PLEKHA8: variants seen among roughly 807,000 people sequenced by gnomAD.
PLEKHA8 encodes pleckstrin homology domain-containing family A member 8.
Under a neutral mutation model 68.2 loss-of-function variants are expected in PLEKHA8, and 36 were observed. That is an observed-to-expected ratio of 0.53 (90% CI 0.40 to 0.70). PLEKHA8 has a LOEUF of 0.70. Among genes scored for constraint, PLEKHA8 ranks in the 30% least tolerant of loss-of-function variants. The pLI, the probability that PLEKHA8 is intolerant of heterozygous loss-of-function variation, is 0.00. For missense variants in PLEKHA8, 505 were observed against 615.4 expected, an observed-to-expected ratio of 0.82 and a Z score of 1.90; for synonymous variants, 211 against 216.1, an observed-to-expected ratio of 0.98 and a Z score of 0.20.
chr7:30,115,988 G>GCACA (rs1796504955), intron 13 of PLEKHA8: 1 of 130,936 alleles, frequency 7.6e-6, no homozygotes, highest in African/African-American at 2.8e-5. Flanking sequence ...ATGCATGTAT[G>GCACA]CATACGCATA....
At chr7:30,067,699 T>C (rs555258399) in intron 12 of PLEKHA8, among the ~76,000 whole-genome samples, 3 of 152,364 alleles carry the variant, frequency 2.0e-5, no homozygotes, top group African/African-American at 7.2e-5. Context: ...AGCATTGGAC[T>C]ACATGTTTTA....
At chr7:30,118,005 T>C in intron 13 of PLEKHA8, 1 of 1,530,522 alleles carries the variant, frequency 6.5e-7, no homozygotes, top group Non-Finnish European at 8.7e-7. Context: ...CCAGGAGGGC[T>C]GTCACTCAGA....
chr7:30,034,488 A>G (rs1790910684), intron 1 of PLEKHA8, among the ~76,000 whole-genome samples: 1 of 152,218 alleles, frequency 6.6e-6, no homozygotes. Context: ...CTTATGAATA[A>G]CTTTAACAAT....
At chr7:30,114,698 G>A (rs982287063) in intron 13 of PLEKHA8, among the ~76,000 whole-genome samples, 1 of 152,122 alleles carries the variant, frequency 6.6e-6, no homozygotes, top group Non-Finnish European at 1.5e-5. Flanking sequence ...TATCTTTAAA[G>A]AAGGCTGTTT....
In PLEKHA8 at chr7:30,115,791, CACAT is replaced by C. The variant is rs571510026; in HGVS notation, c.1363-13470_1363-13467del. 1.0e-4 allele frequency: 15 copies of C among 145,628 alleles called. 3 individuals are homozygous for C. The highest frequency in any genetic ancestry group is 3.5e-3 in the Middle Eastern group (1 of 286). The allele number at this position is 145,628 out of a possible 1,614,324, so 9.0% of individuals were successfully genotyped here. A position where few individuals can be genotyped will look rare whatever the true frequency, so the allele number is the denominator to read the frequency against. Reference sequence around the variant, plus strand: ...ACACGTATGCATGCATACATACGTGCACATACATGTATACACGCATGCATGTATA... The same window carrying C: ...ACACGTATGCATGCATACATACGTGCACATGTATACACGCATGCATGTATA... On this transcript the variant is annotated intron_variant, in intron 13 of 13. Coordinates refer to the PLEKHA8 transcript ENST00000396257.
intron 12 of PLEKHA8, among the ~76,000 whole-genome samples, chr7:30,068,638 T>C (rs997005413): frequency 6.6e-6 from 1 of 152,208 alleles, no homozygotes; most frequent in Admixed American, 6.5e-5. Flanking sequence ...AAATGTCTAA[T>C]CTTTTTCAGT....
chr7:30,082,212 T>G lies in PLEKHA8; in HGVS notation c.*3425T>G. The G allele has an allele frequency of 2.0e-6, 2 of 985,422 alleles. No homozygotes were observed. The highest frequency in any genetic ancestry group is 4.7e-5 in the South Asian group (1 of 21,282). The allele number at this position is 985,422 out of a possible 1,614,324, so 61.0% of individuals were successfully genotyped here. On this transcript the variant is annotated 3_prime_UTR_variant, in exon 14 of 14. Coordinates refer to ENST00000449726, the MANE Select transcript of PLEKHA8 (RefSeq NM_001197026.2). ...TCTGATTATTAAACTTCCCCCAATG[T>G]CATATTCCATGATGAGGGATTTCTG...
At chr7:30,048,690 T>C (rs1458414904) in intron 4 of PLEKHA8, among the ~76,000 whole-genome samples, 1 of 152,230 alleles carries the variant, frequency 6.6e-6, no homozygotes, top group Non-Finnish European at 1.5e-5. Context: ...AAGATTTTCA[T>C]TTATTAGGTA....
At chr7:30,107,218 G>C (rs1221367568) in intron 13 of PLEKHA8, among the ~76,000 whole-genome samples, 2 of 151,752 alleles carry the variant, frequency 1.3e-5, no homozygotes, top group Non-Finnish European at 1.5e-5. Flanking sequence ...TTACAATTTT[G>C]TTATAAAATA....
rs1317429104 is a variant in PLEKHA8, at chr7:30,117,808, T to TA, written c.1363-11451dup. On this transcript the variant is annotated intron_variant, in intron 13 of 13. Coordinates refer to the PLEKHA8 transcript ENST00000396257. ...AGTTTCAAAAGTTTAGTGTGCACAC[T>TA]AAAAAAATGAAGGCACAAAGCTTAT... 2.0e-5 allele frequency among the ~76,000 whole-genome samples: 3 copies of TA among 152,116 alleles called. No homozygotes were observed. The East Asian group carries it at 5.8e-4, about 29-fold the overall frequency.
chr7:30,112,406 C>T lies in PLEKHA8; in HGVS notation c.1363-16860C>T, dbSNP rs1796302803. Among the ~76,000 whole-genome samples, 3 of 151,098 alleles carry T rather than the reference C, an allele frequency of 2.0e-5. No individual in the cohort carries two copies. The South Asian group carries it at 6.2e-4, about 31-fold the overall frequency. On this transcript the variant is annotated intron_variant, in intron 13 of 13. Transcript: ENST00000396257. ...TTAAAAAAAAAAAACCTTAAAAATA[C>T]TTCTAAATGATTCACATGTCAAAAA... is the stretch of plus-strand genomic sequence containing the variant.
At chr7:30,055,535 A>G (rs1792777262) in intron 9 of PLEKHA8, among the ~76,000 whole-genome samples, 193 bp downstream of exon 9, 1 of 152,250 alleles carries the variant, frequency 6.6e-6, no homozygotes, top group African/African-American at 2.4e-5. Flanking sequence ...CATTTCTAAT[A>G]ATGATTAAAT....
rs986154057 is a variant in PLEKHA8 at position 30,082,254 on chromosome 7, G to A, written c.*3467G>A. 8 of 985,318 alleles carry A rather than the reference G, an allele frequency of 8.1e-6. No homozygotes were observed. The highest frequency in any genetic ancestry group is 8.4e-6 in the Non-Finnish European group (7 of 829,954). 61.0% of individuals were successfully genotyped at this position (985,318 alleles called of 1,614,324 possible). On this transcript the variant is annotated 3_prime_UTR_variant, in exon 14 of 14. Transcript: ENST00000449726. ...GGATTTCTGAACTCCATAGTCCAGC[G>A]TTGTTGCTTTTCTCTCTTCTTTGCT...
chr7:30,115,787 CGT>C (rs1796455087), intron 13 of PLEKHA8: 1 of 144,658 alleles, frequency 6.9e-6, no homozygotes, highest in African/African-American at 2.8e-5. Flanking sequence ...TGCATACATA[CGT>C]GCACATACAT....
In PLEKHA8 at chr7:30,080,301, G is replaced by A. The variant is rs1397460296; in HGVS notation, c.*1514G>A. 4.1e-6 allele frequency: 4 copies of A among 985,268 alleles called. No individual in the cohort carries two copies. Among genetic ancestry groups the A allele is most frequent in the East Asian group, 1.1e-4 (1 of 8,822 alleles). 61.0% of individuals were successfully genotyped at this position (985,268 alleles called of 1,614,324 possible). A position where few individuals can be genotyped will look rare whatever the true frequency, so the allele number is the denominator to read the frequency against. The stretch of plus-strand genomic sequence containing the variant: ...TAGTCTCAGTAGACCATGCTGCCTC[G>A]AGTGTGCATCGGAGAGAAGCCATGG... On this transcript the variant is annotated 3_prime_UTR_variant, in exon 14 of 14. Coordinates refer to ENST00000449726, the MANE Select transcript of PLEKHA8 (RefSeq NM_001197026.2).
chr7:30,105,471 G>T lies in PLEKHA8; in HGVS notation c.1363-23795G>T, dbSNP rs1358805636. Among the ~76,000 whole-genome samples, 8 of 152,200 alleles carry T rather than the reference G, an allele frequency of 5.3e-5. No homozygotes were observed. The East Asian group carries it at 1.5e-3, about 29-fold the overall frequency. ...TGCATTCCTTTCTGGGAGACAGAGC[G>T]AAATCTTGTCTCAAAAAAGAAAAAA... On this transcript the variant is annotated intron_variant, in intron 13 of 13. Transcript: ENST00000396257.
rs777547011 is a variant in PLEKHA8 at position 30,109,869 on chromosome 7, A to G, written c.1363-19397A>G. On this transcript the variant is annotated intron_variant, in intron 13 of 13. Coordinates refer to the PLEKHA8 transcript ENST00000396257. ...AAATTTTATGTAGAGATGGGTCTCA[A>G]TCACCCAGGTTGGTCTCAAACTCCT... Among the ~76,000 whole-genome samples the G allele has an allele frequency of 4.5e-4, 69 of 151,986 alleles. 1 individual carries two copies. The highest frequency in any genetic ancestry group is 3.4e-3 in the Middle Eastern group (1 of 292).
downstream of PLEKHA8, among the ~76,000 whole-genome samples, chr7:30,094,200 T>C (rs992740188): frequency 1.3e-5 from 2 of 152,190 alleles, no homozygotes; most frequent in Admixed American, 1.3e-4. Flanking sequence ...CTTAATGTCT[T>C]TTTCTTTTAA....
intron 13 of PLEKHA8, chr7:30,117,890 A>G (rs530082013): frequency 1.4e-5 from 14 of 966,700 alleles, no homozygotes; most frequent in Non-Finnish European, 2.2e-5. Context: ...CTTCCTGTAG[A>G]TTAAAGATTG....
Sources: gnomAD v4.1 joint callset for allele counts (sites outside exome capture counted in the v4.1 genomes callset) on GRCh38, gnomAD v4.1.1 for gene constraint, MANE v1.5 for transcripts, NCBI Gene and HGNC (gene_info 2026-07-23, HGNC 2026-07-21) for gene names.